The following ADGRV1 variants were observed in gnomAD, a reference collection of about 807,000 sequenced individuals.
ADGRV1 encodes adhesion G protein-coupled receptor V1.
In ADGRV1, 359 loss-of-function variants were observed where a neutral mutation model predicts 596.2. That is an observed-to-expected ratio of 0.60 (90% CI 0.55 to 0.66). The LOEUF (loss-of-function observed/expected upper bound fraction) is 0.66, where lower values mean the gene tolerates loss of function less well. Ranked by LOEUF, ADGRV1 falls within the 30% of genes least tolerant of loss-of-function variation. The pLI is 0.00. For missense variants in ADGRV1, 7,274 were observed against 7,575.6 expected (o/e 0.96, Z 1.48); for synonymous variants, 2,681 against 2,679.2 (o/e 1.00, Z -0.02).
At chr5:91,069,944 T>A (rs368627900) in intron 85 of ADGRV1, among the ~76,000 whole-genome samples, 3,078 of 116,214 alleles carry the variant, frequency 0.026, 119 homozygotes, top group African/African-American at 0.091. Flanking sequence ...AAAAAAAAAA[T>A]GAAATCATGT....
chr5:90,765,052 G>A lies in ADGRV1; in HGVS notation c.12285+1583G>A, dbSNP rs115206336. On this transcript the variant is annotated intron_variant, in intron 59 of 89. Coordinates refer to ENST00000405460, the MANE Select transcript of ADGRV1 (RefSeq NM_032119.4). ...TCCATGGGGCTCCAAGCTCCTTGGG[G>A]GTCAATCTCTGTGGACTCTTGCTGC... Among the ~76,000 whole-genome samples, 721 of 152,206 alleles carry A rather than the reference G, an allele frequency of 4.7e-3. 6 individuals carry two copies. The highest frequency in any genetic ancestry group is 0.016 in the African/African-American group (683 of 41,534).
At chr5:91,078,005 A>G (rs903698633) in intron 86 of ADGRV1, among the ~76,000 whole-genome samples, 1 of 152,106 alleles carries the variant, frequency 6.6e-6, no homozygotes, top group Non-Finnish European at 1.5e-5. Context: ...AAAATCCCAC[A>G]CATAGGTTTC....
At chr5:90,724,372 G>A (rs995834198) in intron 45 of ADGRV1, among the ~76,000 whole-genome samples, 2 of 152,022 alleles carry the variant, frequency 1.3e-5, no homozygotes, top group Non-Finnish European at 2.9e-5. Context: ...TGGTATTACA[G>A]GCGCACACCA....
intron 41 of ADGRV1, 46 bp from the exon 42 acceptor site, chr5:90,712,241 C>T: frequency 3.8e-6 from 4 of 1,062,044 alleles, no homozygotes; most frequent in Non-Finnish European, 5.2e-6. Context: ...TAGAAACTCA[C>T]AGTGTATATA....
intron 17 of ADGRV1, among the ~76,000 whole-genome samples, chr5:90,648,505 C>G (rs1446403295): frequency 6.6e-6 from 1 of 152,166 alleles, no homozygotes; most frequent in Non-Finnish European, 1.5e-5. Context: ...CCCATGAGCT[C>G]TAACGTTTGC....
At chr5:90,870,145 C>T (rs1283077960) in intron 83 of ADGRV1, among the ~76,000 whole-genome samples, 1 of 152,092 alleles carries the variant, frequency 6.6e-6, no homozygotes, top group South Asian at 2.1e-4. Context: ...AGCTTCTTGA[C>T]ACTTTAAAAT....
intron 3 of ADGRV1, 99 bp from the exon 4 acceptor site, chr5:90,618,987 A>C: frequency 1.9e-6 from 1 of 528,592 alleles, no homozygotes; most frequent in Non-Finnish European, 3.2e-6. Context: ...TTTTTATTAT[A>C]TTCTGAATAA....
Position 91,082,694 on chromosome 5 carries a change from TG to T in ADGRV1, c.18310+10092del, listed in dbSNP as rs1398011128. On this transcript the variant is annotated intron_variant, in intron 86 of 89. Coordinates refer to ENST00000405460, the MANE Select transcript of ADGRV1 (RefSeq NM_032119.4). ...AAAAATTTTTGAGGCTGTTTTATCT[TG>T]GAATAAGTATGGCAACGAAAGCACT... Among the ~76,000 whole-genome samples, 13 of 152,302 alleles carry T rather than the reference TG, an allele frequency of 8.5e-5. No homozygotes were observed. The East Asian group carries it at 2.1e-3, about 25-fold the overall frequency.
At chr5:90,789,323 A>G (rs2150127957) in intron 68 of ADGRV1, among the ~76,000 whole-genome samples, 1 of 152,302 alleles carries the variant, frequency 6.6e-6, no homozygotes, top group East Asian at 1.9e-4. Flanking sequence ...TAGTCCTCAC[A>G]GGGCCTGTTT....
chr5:90,616,929 T>G (rs2152054916), intron 2 of ADGRV1, among the ~76,000 whole-genome samples: 1 of 152,338 alleles, frequency 6.6e-6, no homozygotes, highest in Admixed American at 6.5e-5. Context: ...ACCATTCTAC[T>G]CTCTACCTCC....
At chr5:90,900,213 A>T (rs565567207) in intron 83 of ADGRV1, among the ~76,000 whole-genome samples, 48 of 152,246 alleles carry the variant, frequency 3.2e-4, no homozygotes, top group African/African-American at 1.1e-3. Context: ...AATAAATTTT[A>T]TGAGCAGAAA....
intron 83 of ADGRV1, among the ~76,000 whole-genome samples, chr5:90,907,073 A>G (rs1772393978): frequency 6.6e-6 from 1 of 152,226 alleles, no homozygotes; most frequent in African/African-American, 2.4e-5. Context: ...TATATGAAAT[A>G]TAACTCAGGA....
Position 90,608,095 on chromosome 5 carries a change from A to G in ADGRV1, c.23-6740A>G, listed in dbSNP as rs73179777. Among the ~76,000 whole-genome samples the G allele has an allele frequency of 6.8e-3, 1,036 of 152,268 alleles. 8 individuals are homozygous for G. The highest frequency in any genetic ancestry group is 0.019 in the South Asian group (91 of 4,834). On this transcript the variant is annotated intron_variant, in intron 1 of 89. Coordinates refer to ENST00000405460, the MANE Select transcript of ADGRV1 (RefSeq NM_032119.4). ...ATAGTAGGATAATTGAAATTTGATGATGAATTAAATTCTTGGGAAGCAGAG... is the reference window on the plus strand; with the variant it reads ...ATAGTAGGATAATTGAAATTTGATGGTGAATTAAATTCTTGGGAAGCAGAG...
At chr5:90,766,079 T>G (rs1757099763) in intron 59 of ADGRV1, among the ~76,000 whole-genome samples, 1 of 151,846 alleles carries the variant, frequency 6.6e-6, no homozygotes, top group Admixed American at 6.6e-5. Context: ...CTGGCTAATT[T>G]TTTGTATTTT....
At chr5:90,706,564 C>G (rs1260097483) in intron 38 of ADGRV1, among the ~76,000 whole-genome samples, 170 bp downstream of exon 38, 1 of 151,462 alleles carries the variant, frequency 6.6e-6, no homozygotes, top group Non-Finnish European at 1.5e-5. Context: ...TATATTTTTC[C>G]TTATTATTGT....
At chr5:90,930,294 A>G (rs1406530743) in intron 83 of ADGRV1, among the ~76,000 whole-genome samples, 2 of 152,228 alleles carry the variant, frequency 1.3e-5, no homozygotes. Flanking sequence ...ATACGTTGCC[A>G]GAGGCATATC....
chr5:90,835,321 G>T (rs1375188452), intron 77 of ADGRV1, among the ~76,000 whole-genome samples: 1 of 152,162 alleles, frequency 6.6e-6, no homozygotes, highest in Non-Finnish European at 1.5e-5. Flanking sequence ...TGGTGGTCTT[G>T]GATAAGATCT....
intron 84 of ADGRV1, among the ~76,000 whole-genome samples, chr5:90,974,488 G>T (rs540677225): frequency 6.6e-6 from 1 of 152,108 alleles, no homozygotes; most frequent in Non-Finnish European, 1.5e-5. Flanking sequence ...CATGGTACTG[G>T]TACCAAAACA....
At chr5:90,976,295 T>TAC (rs1288823849) in intron 84 of ADGRV1, among the ~76,000 whole-genome samples, 3 of 55,716 alleles carry the variant, frequency 5.4e-5, no homozygotes, top group African/African-American at 2.5e-4. Context: ...TATGTGTGTG[T>TAC]ATATGTGTGT....
Sources: allele counts gnomAD v4.1 joint callset (sites outside exome capture counted in the v4.1 genomes callset), GRCh38; gene constraint gnomAD v4.1.1; transcripts MANE v1.5; gene names NCBI Gene and HGNC (gene_info 2026-07-23, HGNC 2026-07-21).